Variants in ANXA5 observed in about 807,000 individuals in gnomAD.
The protein encoded by ANXA5 is CBP-I.
In ANXA5, 40 loss-of-function variants were observed where a neutral mutation model predicts 48.1. That is an observed-to-expected ratio of 0.83 (90% confidence interval 0.65 to 1.08). The LOEUF (loss-of-function observed/expected upper bound fraction) is 1.08, where lower values mean the gene tolerates loss of function less well. Ranked by LOEUF, ANXA5 falls within the 50% of genes least tolerant of loss-of-function variation. The pLI is 0.00. For synonymous variants in ANXA5, 113 were observed against 129.1 expected, an observed-to-expected ratio of 0.88 and a Z score of 0.85; for missense variants, 357 against 376.8, an observed-to-expected ratio of 0.95 and a Z score of 0.44.
chr4:121,685,386 A>G (rs1316353945), intron 3 of ANXA5, among the ~76,000 whole-genome samples: 1 of 152,148 alleles, frequency 6.6e-6, no homozygotes, highest in Non-Finnish European at 1.5e-5. Context: ...TTGGAGAATG[A>G]TTCATGGAGA....
Position 121,672,589 on chromosome 4 carries a change from T to C in ANXA5, c.569A>G (p.Asp190Gly). ...FQAGELKWGTDEEKFITIFGT... is the reference protein window; with the variant it reads ...FQAGELKWGTGEEKFITIFGT... ...AAAGATGGTGATAAACTTTTCTTCA[T>C]CTGTCCCCCATTTAAGTTCTCCAGC... Residue 190 changes from aspartate (D) to glycine (G), a missense_variant, in exon 9 of 13, where the codon GAT becomes GGT. Transcript: ENST00000296511. 2 of 1,613,894 alleles carry C rather than the reference T, an allele frequency of 1.2e-6. No individual in the cohort carries two copies. The highest frequency in any genetic ancestry group is 1.7e-6 in the Non-Finnish European group (2 of 1,179,882).
rs768606816 is a variant in ANXA5 at position 121,696,628 on chromosome 4, C to CA, written c.-35-5dup. The CA allele has an allele frequency of 7.2e-7, 1 of 1,383,822 alleles. No homozygotes were observed. The highest frequency in any genetic ancestry group is 2.7e-5 in the Admixed American group (1 of 36,982). 85.7% of individuals were successfully genotyped at this position (1,383,822 alleles called of 1,614,324 possible). ...GTCAGGGGAAGGTGAAGCAGGACTGCAAAAGAGAAGAAACCTCGGGCTTAG... is the reference window on the plus strand; with the variant it reads ...GTCAGGGGAAGGTGAAGCAGGACTGCAAAAAGAGAAGAAACCTCGGGCTTAG... On this transcript the variant is annotated splice_region_variant and splice_polypyrimidine_tract_variant and intron_variant, in intron 1 of 12. Coordinates refer to ENST00000296511, the MANE Select transcript of ANXA5 (RefSeq NM_001154.4).
At chr4:121,671,946 C>T (rs1724620413) in intron 9 of ANXA5, among the ~76,000 whole-genome samples, 1 of 152,180 alleles carries the variant, frequency 6.6e-6, no homozygotes. Context: ...GACTAGTTTA[C>T]CCTTTTCTTT....
intron 10 of ANXA5, 138 bp from the exon 11 acceptor site, chr4:121,670,150 A>T: frequency 1.6e-6 from 1 of 607,850 alleles, no homozygotes; most frequent in Non-Finnish European, 2.8e-6. Flanking sequence ...AAGAGCTGTA[A>T]GCTAATCTGA....
chr4:121,680,351 C>G lies in ANXA5; in HGVS notation c.394+1320G>C, dbSNP rs115728776. Among the ~76,000 whole-genome samples the G allele has an allele frequency of 9.8e-3, 1,485 of 152,270 alleles. 22 individuals are homozygous for G. Among genetic ancestry groups the G allele is most frequent in the African/African-American group, 0.034 (1,416 of 41,550 alleles). Reference sequence around the variant, plus strand: ...TGTAAACCCACCTAGTCTTGAAACTCTGCTGCATGTGTGATTTGTACCATG... The same window carrying G: ...TGTAAACCCACCTAGTCTTGAAACTGTGCTGCATGTGTGATTTGTACCATG... On this transcript the variant is annotated intron_variant, in intron 6 of 12. Coordinates refer to ENST00000296511, the MANE Select transcript of ANXA5 (RefSeq NM_001154.4).
chr4:121,684,866 C>T (rs1178012190), intron 3 of ANXA5, 95 bp from the exon 4 acceptor site: 2 of 905,616 alleles, frequency 2.2e-6, no homozygotes, highest in African/African-American at 3.3e-5. Flanking sequence ...TATTTCCTTG[C>T]CTCTCCCTAT....
chr4:121,673,837 G>T (rs973885068), intron 8 of ANXA5, among the ~76,000 whole-genome samples: 1 of 151,876 alleles, frequency 6.6e-6, no homozygotes, highest in Admixed American at 6.6e-5. Context: ...CAAAAACAAC[G>T]CAAGTTCATT....
rs771692257 is a variant in ANXA5 at position 121,670,028 on chromosome 4, A to C, written c.722-16T>G. 141 of 1,560,552 alleles carry C rather than the reference A, an allele frequency of 9.0e-5. No individual in the cohort carries two copies. The East Asian group carries it at 3.1e-3, about 34-fold the overall frequency. Reference sequence around the variant, plus strand: ...ATAGATTTCACTAAGAAAATAAACAATACAATGGTCAAATGCTATTTTGAT... The same window carrying C: ...ATAGATTTCACTAAGAAAATAAACACTACAATGGTCAAATGCTATTTTGAT... On this transcript the variant is annotated splice_polypyrimidine_tract_variant and intron_variant, in intron 10 of 12. Coordinates refer to ENST00000296511, the MANE Select transcript of ANXA5 (RefSeq NM_001154.4).
At chr4:121,691,403 A>G (rs1185833018) in intron 2 of ANXA5, among the ~76,000 whole-genome samples, 1 of 152,196 alleles carries the variant, frequency 6.6e-6, no homozygotes, top group Non-Finnish European at 1.5e-5. Context: ...CATAAATAAC[A>G]ATTTCAAGTT....
At chr4:121,685,973 G>C (rs1039347145) in intron 3 of ANXA5, among the ~76,000 whole-genome samples, 14 of 151,402 alleles carry the variant, frequency 9.2e-5, no homozygotes, top group African/African-American at 3.4e-4. Context: ...GGACAGCTCT[G>C]AATGCAGCCT....
chr4:121,671,568 C>T lies in ANXA5; in HGVS notation c.700G>A (p.Glu234Lys). The change falls in exon 10 of 13, where the codon GAG becomes AAG. Residue 234 changes from glutamate (E) to lysine (K), a missense_variant. By Grantham distance (56) the Glu-to-Lys change is moderately conservative (BLOSUM62 1). Transcript: ENST00000296511. ...TIDRETSGNL[E>K]QLLLAVVKSI... ...CTACCAACAGCAAGGAGTAGTTGCTCTAAATTGCCAGAAGTCTCGCGGTCA... is the reference window on the plus strand; with the variant it reads ...CTACCAACAGCAAGGAGTAGTTGCTTTAAATTGCCAGAAGTCTCGCGGTCA... 6.2e-7 allele frequency: 1 copy of T among 1,613,092 alleles called. No individual in the cohort carries two copies. Among genetic ancestry groups the T allele is most frequent in the Non-Finnish European group, 8.5e-7 (1 of 1,179,158 alleles).
rs72911842 is a variant in ANXA5 at position 121,669,798 on chromosome 4, C to T, written c.781-74G>A. ...ACATAGGATCAAATGCTCCCGGGTG[C>T]GGGTGAATCAATAAGGTATAACAAT... is the stretch of plus-strand genomic sequence containing the variant. On this transcript the variant is annotated intron_variant, in intron 11 of 12. Transcript: ENST00000296511. The T allele has an allele frequency of 4.3e-3, 6,603 of 1,535,252 alleles. 228 individuals carry two copies. The African/African-American group carries it at 0.077, about 18-fold the overall frequency.
At chr4:121,684,459 C>T (rs1176017375) in intron 4 of ANXA5, among the ~76,000 whole-genome samples, 3 of 152,136 alleles carry the variant, frequency 2.0e-5, no homozygotes, top group African/African-American at 7.2e-5. Context: ...GGCACCTCTA[C>T]AGCATTAGGC....
intron 7 of ANXA5, 47 bp downstream of exon 7, chr4:121,678,368 C>T: frequency 5.3e-6 from 8 of 1,517,276 alleles, no homozygotes; most frequent in Non-Finnish European, 6.4e-6. Flanking sequence ...CAGCCCAGTC[C>T]AACTTCAGGC....
chr4:121,684,663 AAG>A lies in ANXA5; in HGVS notation c.189+12_189+13del. ...TGTTCTCCCATTCTCTCTTGGGATG[AAG>A]TGTGGTCTTACCCTGCCAAACAGAG... On this transcript the variant is annotated intron_variant, in intron 4 of 12. Coordinates refer to ENST00000296511, the MANE Select transcript of ANXA5 (RefSeq NM_001154.4). The A allele has an allele frequency of 2.5e-6, 4 of 1,608,896 alleles. No homozygotes were observed. Among genetic ancestry groups the A allele is most frequent in the Non-Finnish European group, 2.6e-6 (3 of 1,175,802 alleles).
intron 5 of ANXA5, 96 bp from the exon 6 acceptor site, chr4:121,681,857 A>G (rs1388441467): frequency 3.9e-6 from 3 of 760,530 alleles, no homozygotes; most frequent in Non-Finnish European, 6.6e-6. Context: ...GCATAGTTAT[A>G]TAAATATTAT....
In ANXA5 at chr4:121,683,402, G is replaced by T; in HGVS notation, c.265C>A (p.Arg89=). The part of the protein sequence containing the change: ...KLIVALMKPS[R]LYDAYELKHA... ...TTCAGTTCATAAGCATCATAAAGCC[G>T]AGAGGGTTTCATCAGAGCCACAATT... The change falls in exon 5 of 13, where the codon CGG becomes AGG. Residue 89 remains arginine, a synonymous_variant. Coordinates refer to ENST00000296511, the MANE Select transcript of ANXA5 (RefSeq NM_001154.4). The T allele has an allele frequency of 6.2e-7, 1 of 1,608,458 alleles. No homozygotes were observed. The highest frequency in any genetic ancestry group is 8.5e-7 in the Non-Finnish European group (1 of 1,176,798).
chr4:121,669,054 GAAAAA>G (rs35301456), intron 12 of ANXA5, among the ~76,000 whole-genome samples: 2 of 141,812 alleles, frequency 1.4e-5, no homozygotes, highest in Non-Finnish European at 3.0e-5. Flanking sequence ...ACCTTTACTG[GAAAAA>G]AAAAAAAAAA....
At chr4:121,687,115 G>A (rs1724905557) in intron 2 of ANXA5, among the ~76,000 whole-genome samples, 1 of 151,958 alleles carries the variant, frequency 6.6e-6, no homozygotes, top group Non-Finnish European at 1.5e-5. Context: ...AGACCATCCT[G>A]GCTAACACGT....
Sources: gnomAD v4.1 joint callset for allele counts (sites outside exome capture counted in the v4.1 genomes callset) on GRCh38, gnomAD v4.1.1 for gene constraint, MANE v1.5 for transcripts, NCBI Gene and HGNC (gene_info 2026-07-23, HGNC 2026-07-21) for gene names.